Variants in CACNA2D3 observed in about 807,000 individuals in gnomAD.
CACNA2D3 encodes calcium voltage-gated channel auxiliary subunit alpha2delta 3.
Under a neutral mutation model 160.6 loss-of-function variants are expected in CACNA2D3, and 60 were observed. The ratio of observed to expected loss-of-function variants is 0.37; its 90% confidence interval spans 0.30 to 0.46. The LOEUF is 0.46. Ranked by LOEUF, CACNA2D3 falls within the 20% of genes least tolerant of loss-of-function variation. The pLI is 1.00. For missense variants in CACNA2D3, 1,205 were observed against 1,365.0 expected (o/e 0.88, Z 1.85); for synonymous variants, 558 against 492.9 (o/e 1.13, Z -1.75).
chr3:54,519,471 G>A (rs1701611198), intron 5 of CACNA2D3, among the ~76,000 whole-genome samples: 1 of 152,170 alleles, frequency 6.6e-6, no homozygotes, highest in Admixed American at 6.5e-5. Flanking sequence ...AAAACCTATA[G>A]ACTAACAGCC....
chr3:54,730,750 G>A (rs564358445), intron 11 of CACNA2D3, among the ~76,000 whole-genome samples: 1 of 152,210 alleles, frequency 6.6e-6, no homozygotes, highest in South Asian at 2.1e-4. Flanking sequence ...TGATCCACCC[G>A]CCTTGGCCTC....
At chr3:54,583,590 C>G (rs532198830) in intron 9 of CACNA2D3, among the ~76,000 whole-genome samples, 2 of 152,104 alleles carry the variant, frequency 1.3e-5, no homozygotes, top group Non-Finnish European at 2.9e-5. Context: ...ATTATACTTA[C>G]GGGTTGAGCA....
chr3:54,457,555 A>G (rs1258712988), intron 4 of CACNA2D3, among the ~76,000 whole-genome samples: 1 of 152,046 alleles, frequency 6.6e-6, no homozygotes, highest in African/African-American at 2.4e-5. Flanking sequence ...AATTTTCTGT[A>G]AATGTCCATA....
intron 4 of CACNA2D3, among the ~76,000 whole-genome samples, chr3:54,468,131 A>T (rs1700661801): frequency 6.6e-6 from 1 of 152,156 alleles, no homozygotes. Flanking sequence ...GTTCTCTTGG[A>T]GGTGGCTGGC....
At chr3:54,927,612 C>T (rs1425806855) in intron 27 of CACNA2D3, among the ~76,000 whole-genome samples, 2 of 152,062 alleles carry the variant, frequency 1.3e-5, no homozygotes, top group African/African-American at 2.4e-5. Context: ...TCCACTTTTC[C>T]CCCCAAAGGA....
At chr3:54,599,606 G>A (rs1281464058) in intron 9 of CACNA2D3, among the ~76,000 whole-genome samples, 2 of 151,936 alleles carry the variant, frequency 1.3e-5, no homozygotes, top group African/African-American at 2.4e-5. Context: ...TAATTAATAA[G>A]GTGGGGGGGA....
chr3:54,837,019 C>T (rs997263374), intron 14 of CACNA2D3, 140 bp from the exon 15 acceptor site: 40 of 703,864 alleles, frequency 5.7e-5, no homozygotes, highest in Admixed American at 1.1e-4. Flanking sequence ...TTGTGCTCCG[C>T]GCTCCACTAA....
chr3:54,655,994 C>T (rs576124349), intron 11 of CACNA2D3, among the ~76,000 whole-genome samples: 1 of 152,256 alleles, frequency 6.6e-6, no homozygotes, highest in Non-Finnish European at 1.5e-5. Flanking sequence ...GAACCATGTC[C>T]CCATCTTGCA....
At chr3:54,367,863 A>G (rs1698853557) in intron 3 of CACNA2D3, among the ~76,000 whole-genome samples, 1 of 152,078 alleles carries the variant, frequency 6.6e-6, no homozygotes, top group Non-Finnish European at 1.5e-5. Context: ...TGCCATCCGC[A>G]TGGCCTAGAG....
intron 11 of CACNA2D3, among the ~76,000 whole-genome samples, chr3:54,651,427 A>G (rs1228655078): frequency 8.3e-4 from 17 of 20,384 alleles, no homozygotes; most frequent in South Asian, 1.1e-3. Flanking sequence ...TATCTCGAGA[A>G]AAAAAAAAAA....
chr3:54,736,941 G>A (rs1701544052), intron 11 of CACNA2D3, among the ~76,000 whole-genome samples: 1 of 152,108 alleles, frequency 6.6e-6, no homozygotes, highest in African/African-American at 2.4e-5. Context: ...TATCATGTAT[G>A]GTACCAGGTT....
intron 13 of CACNA2D3, among the ~76,000 whole-genome samples, chr3:54,768,768 G>C (rs1333603199): frequency 2.0e-5 from 3 of 152,148 alleles, no homozygotes; most frequent in Non-Finnish European, 4.4e-5. Flanking sequence ...AGAACTCTTT[G>C]AGGTTCATAA....
Position 54,330,931 on chromosome 3 carries a change from A to G in CACNA2D3, c.321+10373A>G, listed in dbSNP as rs1305906778. 2.0e-5 allele frequency among the ~76,000 whole-genome samples: 3 copies of G among 152,096 alleles called. No individual in the cohort carries two copies. The South Asian group carries it at 6.2e-4, about 32-fold the overall frequency. On this transcript the variant is annotated intron_variant, in intron 3 of 37. Transcript: ENST00000474759. ...GGGGGAATTAGGGTTGGCCTCTGAG[A>G]CCAGATTTGGTAGAGATGATTTTTT...
chr3:54,742,343 G>A (rs1340119383), intron 11 of CACNA2D3, among the ~76,000 whole-genome samples: 1 of 152,134 alleles, frequency 6.6e-6, no homozygotes, highest in Non-Finnish European at 1.5e-5. Context: ...GCTTGAACCT[G>A]GGAGGCGGAG....
intron 2 of CACNA2D3, among the ~76,000 whole-genome samples, chr3:54,286,609 C>T (rs1036394527): frequency 1.3e-5 from 2 of 152,124 alleles, no homozygotes; most frequent in African/African-American, 2.4e-5. Context: ...AGAAGAGCAA[C>T]TCCAAGACAC....
chr3:54,715,881 T>C (rs1701041804), intron 11 of CACNA2D3, among the ~76,000 whole-genome samples: 1 of 152,036 alleles, frequency 6.6e-6, no homozygotes, highest in Non-Finnish European at 1.5e-5. Flanking sequence ...TATGAACAAG[T>C]GGTTGCCAGG....
At chr3:54,867,040 G>C (rs954339057) in intron 17 of CACNA2D3, among the ~76,000 whole-genome samples, 1 of 152,046 alleles carries the variant, frequency 6.6e-6, no homozygotes, top group African/African-American at 2.4e-5. Flanking sequence ...ATAAACCTTT[G>C]GAAACCGTTT....
intron 3 of CACNA2D3, among the ~76,000 whole-genome samples, chr3:54,381,578 G>A (rs1051936500): frequency 2.6e-5 from 4 of 152,228 alleles, no homozygotes; most frequent in African/African-American, 9.6e-5. Flanking sequence ...GCCCATGACG[G>A]AAAGTTTGAC....
intron 4 of CACNA2D3, among the ~76,000 whole-genome samples, chr3:54,461,665 C>G (rs1382451278): frequency 6.6e-6 from 1 of 151,740 alleles, no homozygotes; most frequent in South Asian, 2.1e-4. Context: ...ATTCTTCTCT[C>G]TTTTTTTCTT....
Sources: allele counts gnomAD v4.1 joint callset (sites outside exome capture counted in the v4.1 genomes callset), GRCh38; gene constraint gnomAD v4.1.1; transcripts MANE v1.5; gene names NCBI Gene and HGNC (gene_info 2026-07-23, HGNC 2026-07-21).